EPS8: variants seen among roughly 807,000 people sequenced by gnomAD.
The protein encoded by EPS8 is EGFR pathway substrate 8, signaling adaptor.
In EPS8, 42 loss-of-function variants were observed where a neutral mutation model predicts 103.8. The observed-to-expected ratio is 0.40, with a 90% CI of 0.32 to 0.52. EPS8 has a LOEUF of 0.52. EPS8 is among the 20% of genes least tolerant of loss of function. The pLI is 0.40. For missense variants in EPS8, 969 were observed against 1,005.1 expected (o/e 0.96, Z 0.49); for synonymous variants, 344 against 344.6 (o/e 1.00, Z 0.02).
intron 15 of EPS8, among the ~76,000 whole-genome samples, chr12:15,644,466 G>C (rs977132172): frequency 6.6e-6 from 1 of 151,986 alleles, no homozygotes. Context: ...AGGCCGAAGC[G>C]GGCAGATCAC....
In EPS8 at chr12:15,665,797, C is replaced by T. The variant is rs760536500; in HGVS notation, c.695G>A (p.Arg232Gln). The T allele has an allele frequency of 2.0e-5, 33 of 1,613,512 alleles. No homozygotes were observed. The highest frequency in any genetic ancestry group is 2.7e-5 in the African/African-American group (2 of 74,902). Residue 232 changes from arginine (R) to glutamine (Q), a missense_variant, in exon 8 of 21, where the codon CGA (arginine) becomes CAA (glutamine). Transcript: ENST00000281172. ...TGCCCATGCAGACCAGGCTGCCACT[C>T]GACTTCTAACATCCACCTGGGTGAC... ...GTVTQVDVRS[R>Q]VAAWSAWAAD... is the part of the protein sequence containing the mutation.
At chr12:15,669,308 T>C (rs1945770205) in intron 6 of EPS8, 79 bp downstream of exon 6, 5 of 1,299,680 alleles carry the variant, frequency 3.8e-6, no homozygotes, top group African/African-American at 3.0e-5. Context: ...AATATGCAGA[T>C]ATATTATCAA....
chr12:15,644,856 T>G (rs897739441), intron 15 of EPS8, among the ~76,000 whole-genome samples: 6 of 152,166 alleles, frequency 3.9e-5, no homozygotes, highest in Admixed American at 1.3e-4. Flanking sequence ...ACCACAATTT[T>G]CAGACAGTTT....
chr12:15,772,720 T>C lies in EPS8; in HGVS notation c.-22+16441A>G, dbSNP rs1005853970. On this transcript the variant is annotated intron_variant, in intron 1 of 20. Transcript: ENST00000281172. This position sits in a 1 kb window ranked among gnomAD's most constrained non-coding sequence, Gnocchi z 5.0. ...AGATGGGTAACAAAGCAGAGGTAGA[T>C]GTTAACCAGGAAAGAACAGCACCAC... Among the ~76,000 whole-genome samples the C allele has an allele frequency of 4.6e-5, 7 of 151,666 alleles. No individual in the cohort carries two copies. In the South Asian group the frequency reaches 6.2e-4, roughly 14 times the overall value.
Position 15,752,372 on chromosome 12 carries a change from G to A in EPS8, c.-22+36789C>T, listed in dbSNP as rs961152703. On this transcript the variant is annotated intron_variant, in intron 1 of 20. Coordinates refer to ENST00000281172, the MANE Select transcript of EPS8 (RefSeq NM_004447.6). The surrounding 1 kb of genome is among the most constrained non-coding windows in gnomAD (Gnocchi z 4.4). The stretch of plus-strand genomic sequence containing the variant: ...TAAGGCAGGAGAATGGCGTGAACCC[G>A]CGAGGCGGAGCTTGCAGTGAGCTGA... 1.4e-4 allele frequency among the ~76,000 whole-genome samples: 21 copies of A among 151,940 alleles called. No individual in the cohort carries two copies. The highest frequency in any genetic ancestry group is 1.9e-4 in the Non-Finnish European group (13 of 67,984).
In EPS8 at chr12:15,657,979, C is replaced by T. The variant is rs773807731; in HGVS notation, c.1101+100G>A. On this transcript the variant is annotated intron_variant, in intron 12 of 20. Transcript: ENST00000281172. ...ACAAATGGCAAAGAAATAGTACCCA[C>T]GCAAGGTAATGAAGAAAAGCAGTCT... 3.4e-4 allele frequency: 245 copies of T among 721,364 alleles called. 1 individual carries two copies. Among genetic ancestry groups the T allele is most frequent in the South Asian group, 1.3e-3 (84 of 62,728 alleles). 44.7% of individuals were successfully genotyped at this position (721,364 alleles called of 1,614,324 possible).
chr12:15,671,028 T>C (rs993368229), intron 3 of EPS8, 105 bp from the exon 4 acceptor site: 5 of 705,398 alleles, frequency 7.1e-6, no homozygotes, highest in African/African-American at 5.4e-5. Context: ...CACATATAAA[T>C]ACAGTAGCTG....
intron 1 of EPS8, among the ~76,000 whole-genome samples, chr12:15,773,792 A>C (rs1947179545): frequency 6.6e-6 from 1 of 152,172 alleles, no homozygotes; most frequent in African/African-American, 2.4e-5. Context: ...TCTAGTAAAC[A>C]GAGTGACAAG....
rs1311234808 is a variant in EPS8, at chr12:15,725,841, C to T, written c.-21-42869G>A. ...TAAGCATTTGTTGAAATTTGTCTCA[C>T]ATCAGTAGGCTGCTTGATTGGTTCA... On this transcript the variant is annotated intron_variant, in intron 1 of 20. Transcript: ENST00000281172. The surrounding 1 kb of genome is among the most constrained non-coding windows in gnomAD (Gnocchi z 4.5). Among the ~76,000 whole-genome samples the T allele has an allele frequency of 6.6e-6, 1 of 152,192 alleles. No homozygotes were observed. Among genetic ancestry groups the T allele is most frequent in the African/African-American group, 2.4e-5 (1 of 41,452 alleles).
intron 17 of EPS8, among the ~76,000 whole-genome samples, chr12:15,634,165 T>C (rs1945097127): frequency 1.3e-5 from 2 of 152,190 alleles, no homozygotes; most frequent in African/African-American, 4.8e-5. Context: ...TCCCAGTAAT[T>C]AGCACTGAAA....
intron 9 of EPS8, among the ~76,000 whole-genome samples, chr12:15,661,820 C>G (rs1277036965): frequency 3.3e-5 from 5 of 152,186 alleles, no homozygotes; most frequent in African/African-American, 9.6e-5. Context: ...TAGCCCAAGT[C>G]TACTAACTAA....
intron 19 of EPS8, 85 bp downstream of exon 19, chr12:15,624,142 A>G (rs1944905257): frequency 9.4e-7 from 1 of 1,063,828 alleles, no homozygotes; most frequent in East Asian, 2.4e-5. Context: ...GTTTTATAAC[A>G]GTTATCTGTG....
Position 15,667,601 on chromosome 12 carries a change from T to C in EPS8, c.517-1079A>G, listed in dbSNP as rs571910947. ...CCTAGGAATCTTCAACTTCTTATAC[T>C]GGGGCTATTATATTTCTAAGAAAAA... is the stretch of plus-strand genomic sequence containing the variant. On this transcript the variant is annotated intron_variant, in intron 6 of 20. Transcript: ENST00000281172. Among the ~76,000 whole-genome samples, 4 of 152,190 alleles carry C rather than the reference T, an allele frequency of 2.6e-5. No individual in the cohort carries two copies. The East Asian group carries it at 5.8e-4, about 22-fold the overall frequency.
intron 15 of EPS8, among the ~76,000 whole-genome samples, chr12:15,643,505 C>T (rs1032047445): frequency 2.5e-4 from 38 of 151,960 alleles, no homozygotes; most frequent in Non-Finnish European, 4.4e-4. Context: ...TTTGGGAGGC[C>T]GAGGAGGGCG....
In EPS8 at chr12:15,777,565, C is replaced by T. The variant is rs937780309; in HGVS notation, c.-22+11596G>A. Among the ~76,000 whole-genome samples, 4 of 152,220 alleles carry T rather than the reference C, an allele frequency of 2.6e-5. No homozygotes were observed. Among genetic ancestry groups the T allele is most frequent in the African/African-American group, 9.6e-5 (4 of 41,460 alleles). On this transcript the variant is annotated intron_variant, in intron 1 of 20. Coordinates refer to ENST00000281172, the MANE Select transcript of EPS8 (RefSeq NM_004447.6). The surrounding 1 kb of genome is among the most constrained non-coding windows in gnomAD (Gnocchi z 4.7). ...AAACCCCCTAGCAGCCTAAACTTAA[C>T]CTTCACTGTCATAACCACTATGAAT...
chr12:15,675,947 C>T (rs574131154), intron 3 of EPS8, among the ~76,000 whole-genome samples: 4 of 152,096 alleles, frequency 2.6e-5, no homozygotes, highest in African/African-American at 4.8e-5. Context: ...TACATTAACA[C>T]GTGCATATTT....
At chr12:15,786,950 CTTATCA>C (rs1401249019) in intron 1 of EPS8, among the ~76,000 whole-genome samples, 1 of 151,994 alleles carries the variant, frequency 6.6e-6, no homozygotes, top group East Asian at 1.9e-4. Context: ...AAGTTTGTAC[CTTATCA>C]TTAACTTATG....
rs1946488350 is a variant in EPS8 at position 15,713,081 on chromosome 12, A to T, written c.-21-30109T>A. ...TGTTAAGTAAGTAAACACAGCTACC[A>T]CTACACTTCCAACTCTTGCCTAAGA... On this transcript the variant is annotated intron_variant, in intron 1 of 20. Coordinates refer to ENST00000281172, the MANE Select transcript of EPS8 (RefSeq NM_004447.6). This position sits in a 1 kb window ranked among gnomAD's most constrained non-coding sequence, Gnocchi z 4.8. The T allele has an allele frequency of 2.9e-6, 2 of 683,418 alleles. No homozygotes were observed. Among genetic ancestry groups the T allele is most frequent in the South Asian group, 6.6e-5 (1 of 15,148 alleles). 42.3% of individuals were successfully genotyped at this position (683,418 alleles called of 1,614,324 possible).
rs1462886059 is a variant in EPS8, at chr12:15,747,803, G to C, written c.-22+41358C>G. 2.6e-5 allele frequency among the ~76,000 whole-genome samples: 4 copies of C among 152,088 alleles called. No homozygotes were observed. Among genetic ancestry groups the C allele is most frequent in the Non-Finnish European group, 5.9e-5 (4 of 68,006 alleles). ...TGGGAGGCCGAGGTGGGCGGATCACGAGGTCAGGAGATCGAGACCATCCTG... is the reference window on the plus strand; with the variant it reads ...TGGGAGGCCGAGGTGGGCGGATCACCAGGTCAGGAGATCGAGACCATCCTG... On this transcript the variant is annotated intron_variant, in intron 1 of 20. Coordinates refer to ENST00000281172, the MANE Select transcript of EPS8 (RefSeq NM_004447.6). This position sits in a 1 kb window ranked among gnomAD's most constrained non-coding sequence, Gnocchi z 4.4.
Sources: gnomAD v4.1 joint callset for allele counts (sites outside exome capture counted in the v4.1 genomes callset) on GRCh38, gnomAD v4.1.1 for gene constraint, Gnocchi (gnomAD v3.1) non-coding constraint, MANE v1.5 for transcripts, NCBI Gene and HGNC (gene_info 2026-07-23, HGNC 2026-07-21) for gene names.